The following TRDN variants were observed in gnomAD, a reference collection of about 807,000 sequenced individuals.
TRDN encodes the protein triadin.
TRDN carries 161 observed loss-of-function variants against 149.7 expected under a neutral mutation model. The observed-to-expected ratio is 1.08, with a 90% CI of 0.95 to 1.23. The LOEUF (loss-of-function observed/expected upper bound fraction) is 1.23. Ranked by LOEUF, TRDN falls within the 50% of genes most tolerant of loss-of-function variation. TRDN has a pLI of 0.00. For synonymous variants in TRDN, 294 were observed against 250.5 expected (o/e 1.17, Z -1.64); for missense variants, 896 against 823.5 (o/e 1.09, Z -1.08).
chr6:123,350,546 A>G, intron 21 of TRDN: 1 of 681,310 alleles, frequency 1.5e-6, no homozygotes, highest in Non-Finnish European at 1.8e-6. Flanking sequence ...CAAGTCTTAA[A>G]GCATTATGCA....
At chr6:123,443,353 A>G (rs553280029) in intron 10 of TRDN, among the ~76,000 whole-genome samples, 1 of 151,984 alleles carries the variant, frequency 6.6e-6, no homozygotes, top group East Asian at 1.9e-4. Context: ...TAAAAGGTGG[A>G]TCAGGGTAAA....
intron 18 of TRDN, among the ~76,000 whole-genome samples, chr6:123,376,207 T>C (rs1488625086): frequency 6.6e-6 from 1 of 152,164 alleles, no homozygotes; most frequent in Non-Finnish European, 1.5e-5. Flanking sequence ...TCTCTCTGTC[T>C]TTCTATAATG....
At chr6:123,336,365 T>C (rs1047636965) in intron 22 of TRDN, among the ~76,000 whole-genome samples, 6 of 152,042 alleles carry the variant, frequency 3.9e-5, no homozygotes, top group Non-Finnish European at 8.8e-5. Context: ...CACATTTTGC[T>C]GAAACAAATA....
At chr6:123,397,542 A>G (rs1772783042) in intron 12 of TRDN, among the ~76,000 whole-genome samples, 1 of 152,192 alleles carries the variant, frequency 6.6e-6, no homozygotes, top group African/African-American at 2.4e-5. Flanking sequence ...AGAATATCTA[A>G]CTATAAAAAT....
intron 10 of TRDN, chr6:123,445,109 T>C (rs1775231712): frequency 6.6e-6 from 1 of 151,674 alleles, no homozygotes; most frequent in South Asian, 2.1e-4. Flanking sequence ...CAGTTCCTCC[T>C]TGTACCTCTG....
At chr6:123,501,350 G>A (rs993534614) in intron 8 of TRDN, among the ~76,000 whole-genome samples, 1 of 150,498 alleles carries the variant, frequency 6.6e-6, no homozygotes, top group South Asian at 2.1e-4. Context: ...AAACATATTA[G>A]GTCTAACTTA....
At chr6:123,480,461 A>G (rs1777699751) in intron 9 of TRDN, among the ~76,000 whole-genome samples, 3 of 152,196 alleles carry the variant, frequency 2.0e-5, no homozygotes, top group African/African-American at 7.2e-5. Flanking sequence ...AGTTCTCATA[A>G]GGCGGTTGTT....
chr6:123,551,693 T>A (rs1009443423), intron 2 of TRDN, among the ~76,000 whole-genome samples: 1 of 152,176 alleles, frequency 6.6e-6, no homozygotes, highest in Non-Finnish European at 1.5e-5. Context: ...ATACCTTTTT[T>A]AAAAACATAG....
At chr6:123,387,173 G>T (rs891053814) in intron 14 of TRDN, among the ~76,000 whole-genome samples, 2 of 151,924 alleles carry the variant, frequency 1.3e-5, no homozygotes, top group African/African-American at 4.8e-5. Context: ...AATTATTTTT[G>T]TCAAAGTTTT....
intron 12 of TRDN, among the ~76,000 whole-genome samples, chr6:123,426,306 T>C (rs549167189): frequency 3.0e-4 from 46 of 152,098 alleles, no homozygotes; most frequent in African/African-American, 1.1e-3. Context: ...AAAGGAACAG[T>C]TTGGAGAGAG....
chr6:123,624,353 C>G (rs1222580774), intron 1 of TRDN, among the ~76,000 whole-genome samples: 3 of 152,132 alleles, frequency 2.0e-5, no homozygotes, highest in Non-Finnish European at 4.4e-5. Flanking sequence ...TCCTGAGGGA[C>G]TGGGCAGAAA....
rs550039806 is a variant in TRDN, at chr6:123,516,335, T to C, written c.485-129A>G. 4.7e-5 allele frequency: 53 copies of C among 1,136,120 alleles called. No homozygotes were observed. The African/African-American group carries it at 7.7e-4, about 17-fold the overall frequency. 70.4% of individuals were successfully genotyped at this position (1,136,120 alleles called of 1,614,324 possible). ...AATCTTTCTTTAACTGGATTCAGAT[T>C]TTATGTAGTTAGAGGTTTAAACTTC... is the stretch of plus-strand genomic sequence containing the variant. On this transcript the variant is annotated intron_variant, in intron 5 of 40. Transcript: ENST00000334268.
intron 24 of TRDN, among the ~76,000 whole-genome samples, chr6:123,288,278 T>C (rs1209479528): frequency 3.9e-5 from 6 of 152,062 alleles, no homozygotes; most frequent in Non-Finnish European, 8.8e-5. Context: ...GACCTGAAAT[T>C]GTAAAGCTAC....
chr6:123,360,848 G>A (rs1214007177), intron 20 of TRDN, among the ~76,000 whole-genome samples: 2 of 152,132 alleles, frequency 1.3e-5, no homozygotes, highest in South Asian at 2.1e-4. Flanking sequence ...AGAGGAGGAC[G>A]CCACAAAATG....
intron 10 of TRDN, among the ~76,000 whole-genome samples, chr6:123,461,107 A>T (rs563480170): frequency 6.6e-6 from 1 of 152,238 alleles, no homozygotes; most frequent in South Asian, 2.1e-4. Flanking sequence ...CCAGCCTGAA[A>T]AATACAGGTG....
chr6:123,414,826 T>C (rs970572658), intron 12 of TRDN, among the ~76,000 whole-genome samples: 4 of 152,154 alleles, frequency 2.6e-5, no homozygotes, highest in Middle Eastern at 3.2e-3. Context: ...TTATTACTGA[T>C]TTCATTCTCC....
chr6:123,507,498 G>A (rs533628025), intron 7 of TRDN, among the ~76,000 whole-genome samples: 16 of 152,106 alleles, frequency 1.1e-4, no homozygotes, highest in African/African-American at 3.1e-4. Flanking sequence ...AGAAAAAAAT[G>A]AGTGACAACT....
At chr6:123,503,142 G>A (rs1778770037) in intron 8 of TRDN, 1 of 985,146 alleles carries the variant, frequency 1.0e-6, no homozygotes, top group African/African-American at 1.7e-5. Context: ...TCTAAAGTTA[G>A]AAATTTAGTC....
At position 123,271,170 on chromosome 6, in the gene TRDN, C is replaced by A; in HGVS notation, c.1689G>T (p.Lys563Asn). The A allele has an allele frequency of 6.5e-7, 1 of 1,540,038 alleles. No homozygotes were observed. Among genetic ancestry groups the A allele is most frequent in the Admixed American group, 2.0e-5 (1 of 49,412 alleles). Reference sequence around the variant, plus strand: ...TTTCTATTGTGACAGCTTTTACCTGCTTGAGAACTTTTTCTTCTGTGATAG... The same window carrying A: ...TTTCTATTGTGACAGCTTTTACCTGATTGAGAACTTTTTCTTCTGTGATAG... ...SHGKPEEKVL[K>N]QVKAVTIEKT... Residue 563 changes from lysine (K) to asparagine (N), a missense_variant, in exon 30 of 41, where the codon AAG becomes AAT. Lys to Asn is a moderately conservative substitution (Grantham distance 94). Transcript: ENST00000334268.
Sources: allele counts gnomAD v4.1 joint callset (sites outside exome capture counted in the v4.1 genomes callset), GRCh38; gene constraint gnomAD v4.1.1; transcripts MANE v1.5; gene names NCBI Gene and HGNC (gene_info 2026-07-23, HGNC 2026-07-21).